Variants in DSCAML1 observed in about 807,000 individuals in gnomAD.
The protein encoded by DSCAML1 is cell adhesion molecule DSCAML1.
A neutral mutation model predicts 200.5 loss-of-function variants in DSCAML1; 38 were observed. The ratio of observed to expected loss-of-function variants is 0.19; its 90% confidence interval spans 0.15 to 0.25. DSCAML1 has a LOEUF of 0.25. DSCAML1 is among the 10% of genes least tolerant of loss of function. The pLI is 1.00. For synonymous variants in DSCAML1, 1,215 were observed against 1,165.0 expected (o/e 1.04, Z -0.87); for missense variants, 2,223 against 2,858.8 (o/e 0.78, Z 5.07).
chr11:117,769,713 C>T (rs370841286), intron 3 of DSCAML1, among the ~76,000 whole-genome samples: 2 of 149,950 alleles, frequency 1.3e-5, no homozygotes, highest in South Asian at 2.1e-4. Flanking sequence ...ATTTACTTAG[C>T]GTCTTTGTGC....
intron 3 of DSCAML1, among the ~76,000 whole-genome samples, chr11:117,691,491 G>A (rs1162895416): frequency 2.0e-5 from 3 of 152,136 alleles, no homozygotes; most frequent in Admixed American, 1.3e-4. Context: ...TTGGAGGACC[G>A]CTTGTTGCAG....
At chr11:117,767,273 G>A (rs2054916470) in intron 3 of DSCAML1, among the ~76,000 whole-genome samples, 1 of 152,086 alleles carries the variant, frequency 6.6e-6, no homozygotes, top group Non-Finnish European at 1.5e-5. Flanking sequence ...TGACCTCTCT[G>A]TGCCTCAGGC....
intron 3 of DSCAML1, among the ~76,000 whole-genome samples, chr11:117,728,557 A>G (rs561565957): frequency 1.3e-5 from 2 of 152,294 alleles, no homozygotes; most frequent in East Asian, 3.9e-4. Flanking sequence ...GAATTCATTA[A>G]TAATTATTAT....
chr11:117,440,248 T>C (rs921412468), intron 21 of DSCAML1, among the ~76,000 whole-genome samples: 5 of 152,266 alleles, frequency 3.3e-5, no homozygotes, highest in African/African-American at 1.2e-4. Flanking sequence ...GGAAAAATTA[T>C]AACGGGGCAA....
intron 19 of DSCAML1, among the ~76,000 whole-genome samples, chr11:117,451,303 G>T (rs1359260673): frequency 6.6e-6 from 1 of 152,174 alleles, no homozygotes; most frequent in Non-Finnish European, 1.5e-5. Context: ...TGGGACCCCA[G>T]GACTCTGCCT....
intron 3 of DSCAML1, among the ~76,000 whole-genome samples, chr11:117,545,234 A>C (rs201023096): frequency 0.02 from 2,909 of 143,476 alleles, 66 homozygotes; most frequent in East Asian, 0.029. Flanking sequence ...CGTAAAAAAA[A>C]ACACACACAC....
chr11:117,616,727 A>T (rs2051817978), intron 3 of DSCAML1, among the ~76,000 whole-genome samples: 1 of 152,238 alleles, frequency 6.6e-6, no homozygotes, highest in South Asian at 2.1e-4. Flanking sequence ...GCTAAGTGAC[A>T]ATTATGCAGA....
At chr11:117,512,761 TCA>T (rs71037482) in intron 8 of DSCAML1, among the ~76,000 whole-genome samples, 30,077 of 112,748 alleles carry the variant, frequency 0.27, 3,677 homozygotes, top group Middle Eastern at 0.34. Flanking sequence ...TCCTCTAGGA[TCA>T]CACACACACA....
At chr11:117,623,216 C>CTTTTTTTTTTTTTTTTTTT (rs56343852) in intron 3 of DSCAML1, among the ~76,000 whole-genome samples, 32 of 121,092 alleles carry the variant, frequency 2.6e-4, no homozygotes, top group Admixed American at 4.9e-4. Flanking sequence ...CTTTTCTTTT[C>CTTTTTTTTTTTTTTTTTTT]TTTTTTTTTT....
chr11:117,644,233 C>T (rs2052474147), intron 3 of DSCAML1, among the ~76,000 whole-genome samples: 1 of 152,262 alleles, frequency 6.6e-6, no homozygotes, highest in Non-Finnish European at 1.5e-5. Flanking sequence ...GAACAAGATC[C>T]AAAGCCTCCT....
intron 19 of DSCAML1, among the ~76,000 whole-genome samples, chr11:117,452,966 T>C (rs1182953925): frequency 2.6e-5 from 4 of 152,256 alleles, no homozygotes; most frequent in African/African-American, 9.6e-5. Flanking sequence ...ACTCTCACTC[T>C]GTTGCTCAGG....
intron 3 of DSCAML1, among the ~76,000 whole-genome samples, chr11:117,623,185 A>G (rs760065019): frequency 1.1e-4 from 16 of 151,348 alleles, no homozygotes; most frequent in Non-Finnish European, 2.2e-4. Context: ...CTAACATGCT[A>G]AACTCTTTTT....
chr11:117,750,425 C>T (rs979670114), intron 3 of DSCAML1, among the ~76,000 whole-genome samples: 4 of 152,212 alleles, frequency 2.6e-5, no homozygotes, highest in African/African-American at 4.8e-5. Flanking sequence ...CTTGCAAAGG[C>T]TTGAGAGCAA....
chr11:117,775,292 C>T lies in DSCAML1; in HGVS notation c.511+1499G>A, dbSNP rs571450783. ...GCAGGACCCCACACAGCCACCCCTG[C>T]GGGGTCCAACCGCTTCTTCTGGCTG... On this transcript the variant is annotated intron_variant, in intron 3 of 32. Transcript: ENST00000651296. 9.8e-5 allele frequency among the ~76,000 whole-genome samples: 15 copies of T among 152,296 alleles called. No homozygotes were observed. In the South Asian group the frequency reaches 1.2e-3, roughly 13 times the overall value.
chr11:117,756,215 T>G (rs547594701), intron 3 of DSCAML1, among the ~76,000 whole-genome samples: 3 of 152,304 alleles, frequency 2.0e-5, no homozygotes, highest in African/African-American at 7.2e-5. Flanking sequence ...GGAAGGTCAC[T>G]CAACATGGCA....
Position 117,524,666 on chromosome 11 carries a change from A to G in DSCAML1, c.937+139T>C, listed in dbSNP as rs1053016412. On this transcript the variant is annotated intron_variant, in intron 5 of 32. Transcript: ENST00000651296. ...AAGCCAAGGGCTTTTCCAGGATACC[A>G]GACTGCCTTCCCCAGTCAGCCAGGG... 2.7e-6 allele frequency: 3 copies of G among 1,094,082 alleles called. No homozygotes were observed. In the African/African-American group the frequency reaches 4.9e-5, roughly 18 times the overall value. The allele number at this position is 1,094,082 out of a possible 1,614,324, so 67.8% of individuals were successfully genotyped here. A position where few individuals can be genotyped will look rare whatever the true frequency, so the allele number is the denominator to read the frequency against.
rs367605412 is a variant in DSCAML1, at chr11:117,723,998, G to T, written c.511+52793C>A. On this transcript the variant is annotated intron_variant, in intron 3 of 32. Transcript: ENST00000651296. ...AGGGAGCAAAAGAGAGCTTGGCTAC[G>T]GCTGGTCCTTTATCTCCAATTAACA... Among the ~76,000 whole-genome samples, 36 of 152,296 alleles carry T rather than the reference G, an allele frequency of 2.4e-4. No homozygotes were observed. In the South Asian group the frequency reaches 7.3e-3, roughly 31 times the overall value.
intron 3 of DSCAML1, among the ~76,000 whole-genome samples, chr11:117,569,846 C>T (rs2050817138): frequency 1.3e-5 from 2 of 152,182 alleles, no homozygotes; most frequent in African/African-American, 2.4e-5. Context: ...CCCTTGCTGG[C>T]CACATACAGG....
intron 3 of DSCAML1, among the ~76,000 whole-genome samples, chr11:117,690,389 G>T (rs1198710757): frequency 6.6e-6 from 1 of 152,210 alleles, no homozygotes; most frequent in Non-Finnish European, 1.5e-5. Context: ...GGCTTGGTAA[G>T]TGACCACAGA....
Sources: allele counts gnomAD v4.1 joint callset (sites outside exome capture counted in the v4.1 genomes callset), GRCh38; gene constraint gnomAD v4.1.1; transcripts MANE v1.5; gene names NCBI Gene and HGNC (gene_info 2026-07-23, HGNC 2026-07-21).